Variants in IQGAP1 observed in about 807,000 individuals in gnomAD.
IQGAP1 encodes the protein ras GTPase-activating-like protein IQGAP1.
IQGAP1 carries 66 observed loss-of-function variants against 215.6 expected under a neutral mutation model. The ratio of observed to expected loss-of-function variants is 0.31; its 90% confidence interval spans 0.25 to 0.38. The LOEUF (loss-of-function observed/expected upper bound fraction) is 0.38. Ranked by LOEUF, IQGAP1 falls within the 10% of genes least tolerant of loss-of-function variation. The probability of loss-of-function intolerance (pLI) is 1.00; values close to 1 mark genes in which losing one functional copy is unlikely to be tolerated. For synonymous variants in IQGAP1, 772 were observed against 728.7 expected (o/e 1.06, Z -0.96); for missense variants, 1,712 against 1,997.1 (o/e 0.86, Z 2.72).
intron 18 of IQGAP1, among the ~76,000 whole-genome samples, chr15:90,468,548 A>G (rs1023956882): frequency 1.3e-5 from 2 of 152,106 alleles, no homozygotes; most frequent in African/African-American, 4.8e-5. Flanking sequence ...AAAAAAATTC[A>G]GGCTGGGCAT....
chr15:90,421,587 G>T (rs979494429), intron 2 of IQGAP1, among the ~76,000 whole-genome samples: 17 of 152,202 alleles, frequency 1.1e-4, no homozygotes, highest in African/African-American at 4.1e-4. Flanking sequence ...AGGCTTTGTG[G>T]TTATGGAGTG....
chr15:90,487,599 A>G lies in IQGAP1; in HGVS notation c.4248+17A>G, dbSNP rs1419716654. The G allele has an allele frequency of 4.5e-6, 7 of 1,544,630 alleles. No individual in the cohort carries two copies. Among genetic ancestry groups the G allele is most frequent in the East Asian group, 2.2e-5 (1 of 44,562 alleles). ...AGTGAACAGGTAAAATTTAGGGTCT[A>G]ACATACTCCTTTGTTTGGTAGATAA... On this transcript the variant is annotated intron_variant, in intron 33 of 37. Coordinates refer to ENST00000268182, the MANE Select transcript of IQGAP1 (RefSeq NM_003870.4).
At chr15:90,427,351 G>A (rs1965238075) in intron 3 of IQGAP1, among the ~76,000 whole-genome samples, 1 of 152,180 alleles carries the variant, frequency 6.6e-6, no homozygotes, top group Admixed American at 6.5e-5. Flanking sequence ...GGTACAATGG[G>A]AAAGTGATTC....
chr15:90,437,666 A>G (rs1965388822), intron 5 of IQGAP1, among the ~76,000 whole-genome samples: 1 of 152,056 alleles, frequency 6.6e-6, no homozygotes. Flanking sequence ...AGCCTCCCAA[A>G]TGGCTAGGAC....
chr15:90,485,614 A>AT (rs1966116032), intron 30 of IQGAP1, among the ~76,000 whole-genome samples: 3 of 151,934 alleles, frequency 2.0e-5, no homozygotes. Flanking sequence ...TAATTTTTGT[A>AT]TTTTTAGTAG....
intron 2 of IQGAP1, among the ~76,000 whole-genome samples, chr15:90,409,866 T>G (rs1200366880): frequency 6.6e-6 from 1 of 152,236 alleles, no homozygotes; most frequent in Non-Finnish European, 1.5e-5. Context: ...TGGCATCTCA[T>G]TGTGGTTTTG....
chr15:90,482,062 G>C lies in IQGAP1; in HGVS notation c.3432G>C (p.Lys1144Asn). ...GGAACATGCGGGCTGTGACAGACAA[G>C]TTTCTCTCAGCCATTGTCAGCTCTG... The part of the protein sequence containing the change: ...SIRNMRAVTD[K>N]FLSAIVSSVD... The change falls in exon 27 of 38, where the codon AAG (lysine) becomes AAC (asparagine). Residue 1144 changes from lysine (K) to asparagine (N), a missense_variant. By Grantham distance (94) the Lys-to-Asn change is moderately conservative (BLOSUM62 0). This residue lies in a region of IQGAP1 where 691 missense variants were observed against 923.0 expected (regional missense o/e 0.75). Coordinates refer to ENST00000268182, the MANE Select transcript of IQGAP1 (RefSeq NM_003870.4). 1 of 1,614,242 alleles carries C rather than the reference G, an allele frequency of 6.2e-7. No homozygotes were observed. The highest frequency in any genetic ancestry group is 8.5e-7 in the Non-Finnish European group (1 of 1,180,042).
chr15:90,467,718 G>A, intron 18 of IQGAP1, 126 bp downstream of exon 18: 2 of 917,734 alleles, frequency 2.2e-6, no homozygotes, highest in African/African-American at 1.7e-5. Flanking sequence ...GTAATGAGCT[G>A]TTTTGCGGTA....
At chr15:90,436,737 A>G (rs1031861872) in intron 5 of IQGAP1, among the ~76,000 whole-genome samples, 1 of 152,230 alleles carries the variant, frequency 6.6e-6, no homozygotes, top group Non-Finnish European at 1.5e-5. Flanking sequence ...TATAAGTTTC[A>G]GTGTGAAGCT....
In IQGAP1 at chr15:90,484,652, G is replaced by C. The variant is rs1966101951; in HGVS notation, c.3921+300G>C. ...GCCTCCCGAGTAGCTGGGACTACAG[G>C]CACCCGCCACCGTGCCTGGCTAAAT... On this transcript the variant is annotated intron_variant, in intron 30 of 37. Coordinates refer to ENST00000268182, the MANE Select transcript of IQGAP1 (RefSeq NM_003870.4). 3.9e-5 allele frequency among the ~76,000 whole-genome samples: 6 copies of C among 152,066 alleles called. No individual in the cohort carries two copies. In the South Asian group the frequency reaches 1.2e-3, roughly 32 times the overall value.
In IQGAP1 at chr15:90,425,224, T is replaced by C. The variant is rs189173672; in HGVS notation, c.156-886T>C. Among the ~76,000 whole-genome samples the C allele has an allele frequency of 5.7e-3, 861 of 152,056 alleles. 7 individuals carry two copies. The highest frequency in any genetic ancestry group is 0.02 in the African/African-American group (826 of 41,466). On this transcript the variant is annotated intron_variant, in intron 2 of 37. Coordinates refer to ENST00000268182, the MANE Select transcript of IQGAP1 (RefSeq NM_003870.4). ...ACTCAGGAAGCTGAGGCAGGAGAAT[T>C]GCTTGAACCCGGGAGGCGGAGGTTG...
At chr15:90,395,615 C>T (rs566943815) in intron 2 of IQGAP1, among the ~76,000 whole-genome samples, 10 of 152,326 alleles carry the variant, frequency 6.6e-5, no homozygotes, top group Middle Eastern at 3.4e-3. Context: ...CCACTGCGCC[C>T]GGCCGGCTAA....
chr15:90,445,835 CTTTTTTTTTGGGTTTTT>C (rs1965520413), intron 9 of IQGAP1, among the ~76,000 whole-genome samples: 3 of 130,834 alleles, frequency 2.3e-5, no homozygotes, highest in South Asian at 2.5e-4. Context: ...GACCAGCATT[CTTTTTTTTTGGGTTTTT>C]TTTTTTTTTG....
In IQGAP1 at chr15:90,500,672, G is replaced by A. The variant is rs994186478; in HGVS notation, c.*564G>A. The A allele has an allele frequency of 2.4e-4, 37 of 152,378 alleles. No individual in the cohort carries two copies. Among genetic ancestry groups the A allele is most frequent in the African/African-American group, 8.7e-4 (36 of 41,582 alleles). 9.4% of individuals were successfully genotyped at this position (152,378 alleles called of 1,614,324 possible). A position where few individuals can be genotyped will look rare whatever the true frequency, so the allele number is the denominator to read the frequency against. On this transcript the variant is annotated 3_prime_UTR_variant, in exon 38 of 38. Coordinates refer to ENST00000268182, the MANE Select transcript of IQGAP1 (RefSeq NM_003870.4). ...CCATTGTGTTTTTCTTTATGGACAG[G>A]AGCTAATGGAAGTGACAGTCATGTT...
intron 5 of IQGAP1, among the ~76,000 whole-genome samples, chr15:90,436,162 C>T (rs1226638586): frequency 4.0e-5 from 6 of 151,552 alleles, no homozygotes; most frequent in Admixed American, 2.0e-4. Context: ...TAACATTCCA[C>T]TCTCAGATAA....
In IQGAP1 at chr15:90,421,408, G is replaced by A. The variant is rs533129350; in HGVS notation, c.156-4702G>A. On this transcript the variant is annotated intron_variant, in intron 2 of 37. Coordinates refer to ENST00000268182, the MANE Select transcript of IQGAP1 (RefSeq NM_003870.4). Reference sequence around the variant, plus strand: ...GGAGAATTGCTTGAACTTGGGAGACGGAGGTTGCAGTGAGCTGACATCATG... The same window carrying A: ...GGAGAATTGCTTGAACTTGGGAGACAGAGGTTGCAGTGAGCTGACATCATG... 1.1e-4 allele frequency among the ~76,000 whole-genome samples: 16 copies of A among 151,046 alleles called. 1 individual carries two copies. The South Asian group carries it at 1.9e-3, about 18-fold the overall frequency.
rs1276516884 is a variant in IQGAP1, at chr15:90,484,326, A to G, written c.3895A>G (p.Ile1299Val). The G allele has an allele frequency of 6.2e-7, 1 of 1,612,060 alleles. No individual in the cohort carries two copies. Among genetic ancestry groups the G allele is most frequent in the Admixed American group, 1.7e-5 (1 of 59,976 alleles). The change falls in exon 30 of 38, where the codon ATT becomes GTT. Residue 1299 changes from isoleucine (I) to valine (V), a missense_variant. By Grantham distance (29) the Ile-to-Val change is conservative (BLOSUM62 3). Transcript: ENST00000268182. Reference protein sequence around the residue: ...TLTKPVIYISIGEIINTHTLL... With the variant: ...TLTKPVIYISVGEIINTHTLL... Reference sequence around the variant, plus strand: ...CACCAAACCAGTAATCTACATTTCCATTGGTGAAATCATCAACACCCACAC... The same window carrying G: ...CACCAAACCAGTAATCTACATTTCCGTTGGTGAAATCATCAACACCCACAC...
intron 10 of IQGAP1, 56 bp downstream of exon 10, chr15:90,448,792 A>T: frequency 7.5e-7 from 1 of 1,325,872 alleles, no homozygotes; most frequent in Non-Finnish European, 9.8e-7. Context: ...TTCGAATCCC[A>T]TGCTGTCATT....
intron 33 of IQGAP1, among the ~76,000 whole-genome samples, chr15:90,490,453 T>TGACTATGAAGGATGGC (rs56970244): frequency 1.3e-5 from 2 of 151,764 alleles, no homozygotes; most frequent in Non-Finnish European, 2.9e-5. Flanking sequence ...CAATGGACGG[T>TGACTATGAAGGATGGC]GACTATGAAG....
Sources: gnomAD v4.1 joint callset for allele counts (sites outside exome capture counted in the v4.1 genomes callset) on GRCh38, gnomAD v4.1.1 for gene constraint, gnomAD v4.1.1 regional missense constraint, MANE v1.5 for transcripts, NCBI Gene and HGNC (gene_info 2026-07-23, HGNC 2026-07-21) for gene names.